FA2H: variants seen among roughly 807,000 people sequenced by gnomAD.
FA2H encodes the protein fatty acid 2-hydroxylase.
Under a neutral mutation model 44.9 loss-of-function variants are expected in FA2H, and 22 were observed. The ratio of observed to expected loss-of-function variants is 0.49; its 90% confidence interval spans 0.35 to 0.70. The LOEUF is 0.70. FA2H is among the 30% of genes least tolerant of loss of function. The pLI, the probability that FA2H is intolerant of heterozygous loss-of-function variation, is 0.01. For synonymous variants in FA2H, 243 were observed against 213.2 expected, an observed-to-expected ratio of 1.14 and a Z score of -1.22; for missense variants, 501 against 504.9, an observed-to-expected ratio of 0.99 and a Z score of 0.07.
At chr16:74,768,217 T>A (rs1962843900) in intron 1 of FA2H, among the ~76,000 whole-genome samples, 1 of 152,220 alleles carries the variant, frequency 6.6e-6, no homozygotes, top group South Asian at 2.1e-4. Flanking sequence ...TCCTGTTTGT[T>A]TCTTTTTATT....
At chr16:74,749,418 T>C (rs1401014564) in intron 1 of FA2H, among the ~76,000 whole-genome samples, 1 of 137,986 alleles carries the variant, frequency 7.2e-6, no homozygotes, top group South Asian at 2.4e-4. Context: ...GCCACCGTCC[T>C]GGTATTCACG....
intron 1 of FA2H, among the ~76,000 whole-genome samples, chr16:74,751,187 C>T (rs568831814): frequency 2.4e-4 from 37 of 152,062 alleles, no homozygotes; most frequent in African/African-American, 8.2e-4. Context: ...CTCTGCCTCC[C>T]GGGTTCAAGC....
intron 1 of FA2H, among the ~76,000 whole-genome samples, chr16:74,746,855 G>A (rs1962433616): frequency 6.6e-6 from 1 of 152,306 alleles, no homozygotes; most frequent in Non-Finnish European, 1.5e-5. Context: ...AGGCCCAGGT[G>A]GGGTCAGGGC....
intron 1 of FA2H, 62 bp downstream of exon 1, chr16:74,774,424 G>T: frequency 7.0e-7 from 1 of 1,437,996 alleles, no homozygotes; most frequent in Non-Finnish European, 9.1e-7. Flanking sequence ...AACGGGGCTC[G>T]CCCGGGAGTG....
rs115741523 is a variant in FA2H, at chr16:74,750,937, A to G, written c.271-10822T>C. On this transcript the variant is annotated intron_variant, in intron 1 of 6. Coordinates refer to ENST00000219368, the MANE Select transcript of FA2H (RefSeq NM_024306.5). ...GTTAGGACTATAGGCACATGCCACA[A>G]TGGCCGGCTAATCTGTTTATTTTTT... Among the ~76,000 whole-genome samples the G allele has an allele frequency of 4.4e-3, 675 of 151,890 alleles. 3 individuals carry two copies. Among genetic ancestry groups the G allele is most frequent in the African/African-American group, 0.016 (654 of 41,432 alleles).
chr16:74,718,540 G>C lies in FA2H; in HGVS notation c.786+448C>G, dbSNP rs184043230. On this transcript the variant is annotated intron_variant, in intron 5 of 6. Transcript: ENST00000219368. ...CTGTGCCAAGTGTGACCTGGGGCAA[G>C]TTCCTTAGTCCTCCTAGGCCTCAGT... 2.8e-3 allele frequency among the ~76,000 whole-genome samples: 432 copies of C among 152,292 alleles called. 3 individuals carry two copies. The highest frequency in any genetic ancestry group is 2.5e-3 in the Non-Finnish European group (167 of 68,030).
intron 2 of FA2H, among the ~76,000 whole-genome samples, chr16:74,731,712 C>T (rs1293170867): frequency 1.3e-5 from 2 of 152,080 alleles, no homozygotes; most frequent in Non-Finnish European, 2.9e-5. Flanking sequence ...CTCCTCTGTT[C>T]TTCCTTTGTC....
chr16:74,770,336 C>T lies in FA2H; in HGVS notation c.270+4150G>A, dbSNP rs546235818. On this transcript the variant is annotated intron_variant, in intron 1 of 6. Coordinates refer to ENST00000219368, the MANE Select transcript of FA2H (RefSeq NM_024306.5). ...GGCATCTCTTTGAAAGGATATCCCA[C>T]CCCCAGATTTCTCCTTTGACAACCT... Among the ~76,000 whole-genome samples the T allele has an allele frequency of 2.6e-5, 4 of 152,366 alleles. No individual in the cohort carries two copies. The South Asian group carries it at 8.3e-4, about 32-fold the overall frequency.
chr16:74,723,510 C>T (rs1961883960), intron 4 of FA2H, among the ~76,000 whole-genome samples: 1 of 152,198 alleles, frequency 6.6e-6, no homozygotes, highest in Non-Finnish European at 1.5e-5. Context: ...CAAATGAGGC[C>T]AACCGTCTTC....
chr16:74,766,094 T>C (rs1597572665), intron 1 of FA2H, among the ~76,000 whole-genome samples: 1 of 150,212 alleles, frequency 6.7e-6, no homozygotes, highest in Non-Finnish European at 1.5e-5. Flanking sequence ...AGGTCAGGAG[T>C]TCAAGATCAG....
intron 2 of FA2H, among the ~76,000 whole-genome samples, chr16:74,739,698 G>A (rs1030537311): frequency 6.6e-6 from 1 of 152,158 alleles, no homozygotes; most frequent in African/African-American, 2.4e-5. Context: ...GCATGTCTGG[G>A]CCTGCCAAGC....
intron 1 of FA2H, among the ~76,000 whole-genome samples, chr16:74,756,458 G>A (rs1962614862): frequency 6.6e-6 from 1 of 152,106 alleles, no homozygotes; most frequent in South Asian, 2.1e-4. Flanking sequence ...CATGACCTCA[G>A]GGCCCAGGGC....
chr16:74,741,368 T>C (rs1295998489), intron 1 of FA2H: 1 of 152,232 alleles, frequency 6.6e-6, no homozygotes, highest in Admixed American at 6.5e-5. Flanking sequence ...TGGCATTTTA[T>C]GGGAAAACCC....
chr16:74,770,991 G>T (rs1354184531), intron 1 of FA2H, among the ~76,000 whole-genome samples: 1 of 152,124 alleles, frequency 6.6e-6, no homozygotes, highest in Admixed American at 6.5e-5. Flanking sequence ...GGTTAGCAGA[G>T]CTGGGAGGTG....
At chr16:74,748,397 T>C (rs1962466593) in intron 1 of FA2H, among the ~76,000 whole-genome samples, 1 of 151,938 alleles carries the variant, frequency 6.6e-6, no homozygotes, top group South Asian at 2.1e-4. Context: ...CGGACACAAC[T>C]CTCCCTGAGA....
intron 1 of FA2H, among the ~76,000 whole-genome samples, chr16:74,755,874 T>C (rs886239453): frequency 1.4e-5 from 2 of 144,678 alleles, no homozygotes; most frequent in Non-Finnish European, 3.0e-5. Context: ...AATTTTCATA[T>C]AGTTAAAAAA....
intron 1 of FA2H, among the ~76,000 whole-genome samples, chr16:74,770,018 G>A (rs754280520): frequency 3.4e-4 from 52 of 152,214 alleles, no homozygotes; most frequent in Non-Finnish European, 5.0e-4. Flanking sequence ...GGGAACAAAC[G>A]GGTCCAGGCC....
intron 4 of FA2H, among the ~76,000 whole-genome samples, chr16:74,720,712 T>C (rs1715667238): frequency 6.6e-6 from 1 of 152,174 alleles, no homozygotes; most frequent in African/African-American, 2.4e-5. Flanking sequence ...GCCAAGCCCC[T>C]GTACCCATTA....
intron 5 of FA2H, 146 bp from the exon 6 acceptor site, chr16:74,716,745 G>A: frequency 1.1e-6 from 1 of 872,370 alleles, no homozygotes; most frequent in Middle Eastern, 3.4e-4. Flanking sequence ...CTTTGGGGAG[G>A]GCGGGCCACC....
Sources: allele counts gnomAD v4.1 joint callset (sites outside exome capture counted in the v4.1 genomes callset), GRCh38; gene constraint gnomAD v4.1.1; transcripts MANE v1.5; gene names NCBI Gene and HGNC (gene_info 2026-07-23, HGNC 2026-07-21).